Variants in ALK observed in about 807,000 individuals in gnomAD.
ALK encodes the protein ALK receptor tyrosine kinase.
In ALK, 74 loss-of-function variants were observed where a neutral mutation model predicts 163.1. The ratio of observed to expected loss-of-function variants is 0.45; its 90% CI spans 0.38 to 0.55. ALK has a LOEUF of 0.55. ALK is among the 20% of genes least tolerant of loss of function. ALK has a pLI of 0.00. For missense variants in ALK, 2,063 were observed against 2,105.3 expected (o/e 0.98, Z 0.39); for synonymous variants, 960 against 843.2 (o/e 1.14, Z -2.40).
intron 13 of ALK, among the ~76,000 whole-genome samples, chr2:29,239,305 A>AT (rs987143550): frequency 2.2e-4 from 34 of 152,132 alleles, no homozygotes; most frequent in African/African-American, 7.7e-4. Flanking sequence ...ATGTTCTCAA[A>AT]TAAGTTTCTG....
At chr2:29,586,606 G>C (rs1674895405) in intron 3 of ALK, among the ~76,000 whole-genome samples, 1 of 152,178 alleles carries the variant, frequency 6.6e-6, no homozygotes, top group African/African-American at 2.4e-5. Context: ...CTCTGGGATA[G>C]TGGTCCTGTT....
At chr2:29,750,401 GC>G (rs112891826) in intron 1 of ALK, among the ~76,000 whole-genome samples, 22 of 152,196 alleles carry the variant, frequency 1.4e-4, no homozygotes, top group African/African-American at 5.3e-4. Flanking sequence ...AGTGGCTCAT[GC>G]TTATAATTCA....
intron 3 of ALK, among the ~76,000 whole-genome samples, chr2:29,692,767 A>C (rs1678439170): frequency 1.3e-5 from 2 of 152,180 alleles, no homozygotes; most frequent in Non-Finnish European, 2.9e-5. Flanking sequence ...AAATTCTTGA[A>C]CATGTGCACC....
At chr2:29,563,611 G>A (rs1338735601) in intron 3 of ALK, among the ~76,000 whole-genome samples, 1 of 152,134 alleles carries the variant, frequency 6.6e-6, no homozygotes, top group Admixed American at 6.5e-5. Flanking sequence ...TTTCTGATGT[G>A]GGTATAACAG....
intron 1 of ALK, among the ~76,000 whole-genome samples, chr2:29,780,066 T>C (rs1413194489): frequency 6.6e-6 from 1 of 152,234 alleles, no homozygotes; most frequent in East Asian, 1.9e-4. Context: ...ACAGTGAGTA[T>C]TGACTCTGGA....
intron 1 of ALK, among the ~76,000 whole-genome samples, chr2:29,873,089 G>A (rs1666618808): frequency 6.6e-6 from 1 of 152,214 alleles, no homozygotes; most frequent in Non-Finnish European, 1.5e-5. Flanking sequence ...ACTCCCTCCA[G>A]GAGTCAGGGG....
chr2:29,466,598 C>T (rs1671220041), intron 4 of ALK, among the ~76,000 whole-genome samples: 1 of 152,162 alleles, frequency 6.6e-6, no homozygotes, highest in South Asian at 2.1e-4. Flanking sequence ...AACCATGGAA[C>T]CATTGTGATG....
chr2:29,742,308 G>T (rs576030047), intron 1 of ALK, among the ~76,000 whole-genome samples: 1 of 152,220 alleles, frequency 6.6e-6, no homozygotes, highest in African/African-American at 2.4e-5. Context: ...AGGTATGGGC[G>T]AATGGTGCTA....
At chr2:29,384,897 A>G (rs1015058763) in intron 4 of ALK, among the ~76,000 whole-genome samples, 2 of 152,154 alleles carry the variant, frequency 1.3e-5, no homozygotes, top group African/African-American at 4.8e-5. Context: ...CTAAAAATAC[A>G]AAAAATAGCT....
At chr2:29,392,769 T>C (rs1479775845) in intron 4 of ALK, among the ~76,000 whole-genome samples, 1 of 152,228 alleles carries the variant, frequency 6.6e-6, no homozygotes, top group Non-Finnish European at 1.5e-5. Flanking sequence ...GAAATGTTCT[T>C]AACTGGACTT....
At chr2:29,357,966 T>C (rs1416526682) in intron 5 of ALK, among the ~76,000 whole-genome samples, 1 of 152,236 alleles carries the variant, frequency 6.6e-6, no homozygotes, top group Non-Finnish European at 1.5e-5. Context: ...ATAAACATAA[T>C]GTGCAATATC....
chr2:29,276,017 A>G (rs983961116), intron 9 of ALK, among the ~76,000 whole-genome samples: 3 of 152,192 alleles, frequency 2.0e-5, no homozygotes, highest in Non-Finnish European at 2.9e-5. Context: ...GTACCAGCCA[A>G]TAAAGAACCA....
At position 29,318,306 on chromosome 2, in the gene ALK, C is replaced by T. The variant is rs1388997240; in HGVS notation, c.1645G>A (p.Glu549Lys). 7 of 1,611,340 alleles carry T rather than the reference C, an allele frequency of 4.3e-6. No individual in the cohort carries two copies. In the African/African-American group the frequency reaches 6.7e-5, roughly 15 times the overall value. ...ACTAGAGAAACAAGGAGACTTGCCT[C>T]ACATGGAGAGCTCTTGATCGGTGCA... ...FPAPIKSSPC[E>K]LRMSWLIRGV... The change falls in exon 8 of 29, where the codon GAG becomes AAG. Residue 549 changes from glutamate to lysine, a missense_variant and splice_region_variant. Physicochemically the swap from Glu to Lys is moderately conservative, Grantham distance 56. This residue lies in a region of ALK where 987 missense variants were observed against 939.5 expected (regional missense o/e 1.05). Transcript: ENST00000389048.
intron 1 of ALK, among the ~76,000 whole-genome samples, chr2:29,888,174 T>G (rs1057505189): frequency 1.3e-5 from 2 of 152,038 alleles, no homozygotes; most frequent in African/African-American, 4.8e-5. Context: ...AAGTCAATTA[T>G]CCAATTACCA....
At chr2:29,342,864 TG>T (rs1667834140) in intron 5 of ALK, among the ~76,000 whole-genome samples, 1 of 148,800 alleles carries the variant, frequency 6.7e-6, no homozygotes, top group Non-Finnish European at 1.5e-5. Flanking sequence ...GACACGGCTG[TG>T]TGCTCAGTGA....
rs564214223 is a variant in ALK, at chr2:29,403,310, T to C, written c.1155-19451A>G. On this transcript the variant is annotated intron_variant, in intron 4 of 28. Transcript: ENST00000389048. ...GCAAGACTTACTCACTATGCCTCTT[T>C]GGATAAAAGTGTTCAATTTGCCACA... 2.0e-5 allele frequency among the ~76,000 whole-genome samples: 3 copies of C among 152,300 alleles called. No homozygotes were observed. In the South Asian group the frequency reaches 6.2e-4, roughly 32 times the overall value.
chr2:29,735,514 T>C (rs1679865865), intron 1 of ALK, among the ~76,000 whole-genome samples: 1 of 152,086 alleles, frequency 6.6e-6, no homozygotes, highest in African/African-American at 2.4e-5. Flanking sequence ...ACTCATTATG[T>C]ACCAGGTGCT....
intron 12 of ALK, 34 bp downstream of exon 12, chr2:29,251,071 G>A (rs1304390006): frequency 1.9e-6 from 3 of 1,608,126 alleles, no homozygotes; most frequent in South Asian, 1.1e-5. Context: ...GGAAGGGGTG[G>A]TCTGCCCCTC....
chr2:29,629,099 T>A (rs1469542047), intron 3 of ALK, among the ~76,000 whole-genome samples: 3 of 152,174 alleles, frequency 2.0e-5, no homozygotes, highest in African/African-American at 4.8e-5. Context: ...TGCCTAGTTC[T>A]GCATACACAA....
Sources: gnomAD v4.1 joint callset for allele counts (sites outside exome capture counted in the v4.1 genomes callset) on GRCh38, gnomAD v4.1.1 for gene constraint, gnomAD v4.1.1 regional missense constraint, MANE v1.5 for transcripts, NCBI Gene and HGNC (gene_info 2026-07-23, HGNC 2026-07-21) for gene names.